The following NRL variants were observed in gnomAD, a reference collection of about 807,000 sequenced individuals.
The protein encoded by NRL is neural retina leucine zipper, also known as neural retina-specific leucine zipper protein.
NRL carries 16 observed loss-of-function variants against 12.5 expected under a neutral mutation model. The observed-to-expected ratio is 1.28, with a 90% CI of 0.87 to 1.95. The LOEUF is 1.95. Among genes scored for constraint, NRL ranks in the 30% most tolerant of loss-of-function variants. The pLI, the probability that NRL is intolerant of heterozygous loss-of-function variation, is 0.00. For synonymous variants in NRL, 142 were observed against 150.9 expected (o/e 0.94, Z 0.43); for missense variants, 314 against 325.8 (o/e 0.96, Z 0.28).
chr14:24,113,297 G>T (rs1594326124), intron 1 of NRL, among the ~76,000 whole-genome samples: 1 of 105,090 alleles, frequency 9.5e-6, no homozygotes, highest in African/African-American at 3.7e-5. Flanking sequence ...CGTTAGTGGT[G>T]CAGCGCACCA....
intron 1 of NRL, among the ~76,000 whole-genome samples, chr14:24,088,652 CTTTT>C (rs549787856): frequency 2.9e-5 from 4 of 137,682 alleles, no homozygotes; most frequent in Admixed American, 7.3e-5. Context: ...CTGAATTATA[CTTTT>C]TTTTTTTTTT....
chr14:24,082,850 C>G lies in NRL; in HGVS notation c.-2G>C. The G allele has an allele frequency of 1.2e-6, 2 of 1,610,798 alleles. No homozygotes were observed. The highest frequency in any genetic ancestry group is 1.7e-6 in the Non-Finnish European group (2 of 1,177,912). On this transcript the variant is annotated 5_prime_UTR_variant, in exon 2 of 3. Transcript: ENST00000561028. ...CAGGGGGCTGGGGGGCAGGGCCATT[C>G]TGGAGCTGGGCTGGGAGGAGTGCAC...
intron 1 of NRL, among the ~76,000 whole-genome samples, chr14:24,088,991 A>C (rs1435070244): frequency 2.6e-5 from 4 of 151,530 alleles, no homozygotes; most frequent in African/African-American, 9.7e-5. Flanking sequence ...TTTTTAGTAG[A>C]GATGGGGTTT....
Position 24,099,542 on chromosome 14 carries a change from T to G in NRL, c.-28+15180A>C, listed in dbSNP as rs1198979010. ...TTGGTGACCTCTTTCTTATTCCCTC[T>G]CTCCCCAATGCACAGATCCTGGGCA... On this transcript the variant is annotated intron_variant, in intron 1 of 2. Coordinates refer to ENST00000561028, the MANE Select transcript of NRL (RefSeq NM_001354768.3). The G allele has an allele frequency of 1.3e-6, 2 of 1,560,272 alleles. No homozygotes were observed. Among genetic ancestry groups the G allele is most frequent in the Non-Finnish European group, 1.7e-6 (2 of 1,154,696 alleles).
chr14:24,081,641 C>G lies in NRL; in HGVS notation c.382-73G>C. 6.5e-7 allele frequency: 1 copy of G among 1,539,292 alleles called. No individual in the cohort carries two copies. The highest frequency in any genetic ancestry group is 8.8e-7 in the Non-Finnish European group (1 of 1,142,270). On this transcript the variant is annotated intron_variant, in intron 2 of 2. Coordinates refer to ENST00000561028, the MANE Select transcript of NRL (RefSeq NM_001354768.3). This position sits in a 1 kb window ranked among gnomAD's most constrained non-coding sequence, Gnocchi z 4.4. ...GCTCTGCCCTGAGGGCCCGACGCTA[C>G]CTGGCTCCGCCCCGGGACAGCCCCG...
chr14:24,081,333 G>C lies in NRL; in HGVS notation c.617C>G (p.Ala206Gly). 6.8e-7 allele frequency: 1 copy of C among 1,474,322 alleles called. No homozygotes were observed. The highest frequency in any genetic ancestry group is 1.3e-5 in the South Asian group (1 of 74,968). 91.3% of individuals were successfully genotyped at this position (1,474,322 alleles called of 1,614,324 possible). A position where few individuals can be genotyped will look rare whatever the true frequency, so the allele number is the denominator to read the frequency against. The change falls in exon 3 of 3, where the codon GCC becomes GGC. Residue 206 changes from alanine to glycine, a missense_variant. By Grantham distance (60) the Ala-to-Gly change is moderately conservative. Transcript: ENST00000561028. This position sits in a 1 kb window ranked among gnomAD's most constrained non-coding sequence, Gnocchi z 4.4. Reference sequence around the variant, plus strand: ...GAGATCGCGCTCCCGGGCCAGGCGGGCCACCTCGGCCCGCAGCGCGTCCAG... The same window carrying C: ...GAGATCGCGCTCCCGGGCCAGGCGGCCCACCTCGGCCCGCAGCGCGTCCAG... ...AQLDALRAEVARLARERDLYK... is the reference protein window; with the variant it reads ...AQLDALRAEVGRLARERDLYK...
At chr14:24,100,157 A>G in intron 1 of NRL, 1 of 1,614,072 alleles carries the variant, frequency 6.2e-7, no homozygotes, top group South Asian at 1.1e-5. Flanking sequence ...GGCATTGACC[A>G]GCCTCTTCCA....
Position 24,081,522 on chromosome 14 carries a change from C to G in NRL, c.428G>C (p.Arg143Pro). Reference protein sequence around the residue: ...SDAALVSMSVRELNRQLRGCG... With the variant: ...SDAALVSMSVPELNRQLRGCG... ...GCCCCGCAGCTGCCGGTTTAGCTCC[C>G]GCACAGACATCGAGACCAGCGCCGC... Residue 143 changes from arginine (R) to proline (P), a missense_variant, in exon 3 of 3, where the codon CGG (arginine) becomes CCG (proline). By Grantham distance (103) the Arg-to-Pro change is moderately radical. Coordinates refer to ENST00000561028, the MANE Select transcript of NRL (RefSeq NM_001354768.3). The surrounding 1 kb of genome is among the most constrained non-coding windows in gnomAD (Gnocchi z 4.4). The G allele has an allele frequency of 6.2e-7, 1 of 1,604,558 alleles. No individual in the cohort carries two copies. The highest frequency in any genetic ancestry group is 8.5e-7 in the Non-Finnish European group (1 of 1,177,012).
intron 1 of NRL, among the ~76,000 whole-genome samples, chr14:24,093,701 G>A (rs184617519): frequency 1.2e-3 from 178 of 152,230 alleles, no homozygotes; most frequent in African/African-American, 4.1e-3. Flanking sequence ...GGGATGTGCC[G>A]GGGGAGGAGA....
chr14:24,111,000 A>G (rs987925814), intron 1 of NRL, among the ~76,000 whole-genome samples: 1 of 152,232 alleles, frequency 6.6e-6, no homozygotes, highest in African/African-American at 2.4e-5. Context: ...ATTTTCTTTT[A>G]GAGACAGTCT....
chr14:24,102,798 C>T lies in NRL; in HGVS notation c.-28+11924G>A, dbSNP rs752400018. 45 of 1,613,564 alleles carry T rather than the reference C, an allele frequency of 2.8e-5. 2 individuals are homozygous for T. In the South Asian group the frequency reaches 2.9e-4, roughly 10 times the overall value. ...CATCCCAACTCTCGATTTTGTGCCC[C>T]GGCTCGCCAGTGCCCCATCATGGAC... is the stretch of plus-strand genomic sequence containing the variant. On this transcript the variant is annotated intron_variant, in intron 1 of 2. Coordinates refer to ENST00000561028, the MANE Select transcript of NRL (RefSeq NM_001354768.3).
At position 24,078,691 on chromosome 14, in the gene NRL, G is replaced by A. The variant is rs185320850; in HGVS notation, c.*2545C>T. Among the ~76,000 whole-genome samples, 2 of 152,296 alleles carry A rather than the reference G, an allele frequency of 1.3e-5. No homozygotes were observed. Among genetic ancestry groups the A allele is most frequent in the East Asian group, 3.9e-4 (2 of 5,188 alleles). On this transcript the variant is annotated 3_prime_UTR_variant, in exon 3 of 3. Coordinates refer to ENST00000561028, the MANE Select transcript of NRL (RefSeq NM_001354768.3). ...ATTACGTAGCATGTGTCAACTTTAT[G>A]CTAAGTGCTTATTTAAATGCATTTA... is the stretch of plus-strand genomic sequence containing the variant.
chr14:24,103,489 C>G, intron 1 of NRL: 1 of 1,530,536 alleles, frequency 6.5e-7, no homozygotes, highest in South Asian at 1.3e-5. Flanking sequence ...AGATTCCTTA[C>G]CCATCTTGCT....
Position 24,085,543 on chromosome 14 carries a change from G to T in NRL, c.-27-2668C>A, listed in dbSNP as rs2036444838. 6.6e-6 allele frequency among the ~76,000 whole-genome samples: 1 copy of T among 152,216 alleles called. No individual in the cohort carries two copies. The highest frequency in any genetic ancestry group is 2.4e-5 in the African/African-American group (1 of 41,464). ...AGGGATACTAGGAATTATCCAAGGA[G>T]ATGTTTAAACCTGTCCGAAGCTGTT... is the stretch of plus-strand genomic sequence containing the variant. On this transcript the variant is annotated intron_variant, in intron 1 of 2. Coordinates refer to ENST00000561028, the MANE Select transcript of NRL (RefSeq NM_001354768.3). The surrounding 1 kb of genome is among the most constrained non-coding windows in gnomAD (Gnocchi z 4.1).
At position 24,081,122 on chromosome 14, in the gene NRL, G is replaced by A. The variant is rs1355866876; in HGVS notation, c.*114C>T. 9.2e-6 allele frequency: 6 copies of A among 654,790 alleles called. No homozygotes were observed. The East Asian group carries it at 1.7e-4, about 19-fold the overall frequency. 40.6% of individuals were successfully genotyped at this position (654,790 alleles called of 1,614,324 possible). On this transcript the variant is annotated 3_prime_UTR_variant, in exon 3 of 3. Transcript: ENST00000561028. This position sits in a 1 kb window ranked among gnomAD's most constrained non-coding sequence, Gnocchi z 4.4. ...TGGGGATATTTGCGCGGTCATACAG[G>A]GCGTGGCTAGGACCAGAAGGCGCTC...
chr14:24,103,421 C>T, intron 1 of NRL: 2 of 1,273,652 alleles, frequency 1.6e-6, no homozygotes, highest in Non-Finnish European at 2.2e-6. Flanking sequence ...AACCATAAGC[C>T]TTTCACAGCT....
rs574596187 is a variant in NRL, at chr14:24,088,925, A to C, written c.-27-6050T>G. On this transcript the variant is annotated intron_variant, in intron 1 of 2. Transcript: ENST00000561028. ...GGTTCATGCCATTCTCCTGCCTCAG[A>C]CTCCGGCTGGAACTACAGGCACCCG... 2.3e-4 allele frequency among the ~76,000 whole-genome samples: 31 copies of C among 132,842 alleles called. 1 individual carries two copies. Among genetic ancestry groups the C allele is most frequent in the African/African-American group, 7.6e-4 (26 of 34,252 alleles). 87.1% of individuals were successfully genotyped at this position (132,842 alleles called of 152,430 possible).
chr14:24,084,516 TC>T (rs925957763), intron 1 of NRL: 2 of 984,950 alleles, frequency 2.0e-6, no homozygotes, highest in African/African-American at 3.5e-5. Context: ...CTGGATATAC[TC>T]ACTTCAGAAA....
intron 1 of NRL, chr14:24,084,370 T>C (rs2036412467): frequency 6.0e-6 from 1 of 167,438 alleles, no homozygotes; most frequent in South Asian, 1.9e-4. Flanking sequence ...TCTGACGTGA[T>C]AGCAGTGAGG....
Sources: gnomAD v4.1 joint callset for allele counts (sites outside exome capture counted in the v4.1 genomes callset) on GRCh38, gnomAD v4.1.1 for gene constraint, Gnocchi (gnomAD v3.1) non-coding constraint, MANE v1.5 for transcripts, NCBI Gene and HGNC (gene_info 2026-07-23, HGNC 2026-07-21) for gene names.